Variants in RBFOX1 observed in about 807,000 individuals in gnomAD.
The protein encoded by RBFOX1 is RNA binding protein fox-1 homolog 1.
RBFOX1 carries 8 observed loss-of-function variants against 57.7 expected under a neutral mutation model. The ratio of observed to expected loss-of-function variants is 0.14; its 90% CI spans 0.08 to 0.25. RBFOX1 has a LOEUF of 0.25. RBFOX1 is among the 10% of genes least tolerant of loss of function. The probability of loss-of-function intolerance (pLI) is 1.00; values close to 1 mark genes in which losing one functional copy is unlikely to be tolerated. For missense variants in RBFOX1, 611 were observed against 548.5 expected, an observed-to-expected ratio of 1.11 and a Z score of -1.14; for synonymous variants, 326 against 222.4, an observed-to-expected ratio of 1.47 and a Z score of -4.15.
At chr16:6,820,328 A>G (rs12597890) in intron 3 of RBFOX1, among the ~76,000 whole-genome samples, 1 of 151,926 alleles carries the variant, frequency 6.6e-6, no homozygotes, top group African/African-American at 2.4e-5. Context: ...ATCATCAAAT[A>G]ATCTTTTGAT....
chr16:6,885,222 G>T (rs1340799371), intron 3 of RBFOX1, among the ~76,000 whole-genome samples: 1 of 152,138 alleles, frequency 6.6e-6, no homozygotes, highest in Non-Finnish European at 1.5e-5. Context: ...TAGAACTGTG[G>T]TTTTTCAGAT....
intron 14 of RBFOX1, among the ~76,000 whole-genome samples, chr16:7,697,239 C>T (rs992966753): frequency 2.0e-5 from 3 of 152,138 alleles, no homozygotes; most frequent in South Asian, 4.2e-4. Flanking sequence ...GAGAAGTGGT[C>T]ATCTTTAAGC....
chr16:6,197,456 G>A (rs1467354746), intron 1 of RBFOX1, among the ~76,000 whole-genome samples: 12 of 151,970 alleles, frequency 7.9e-5, no homozygotes, highest in Admixed American at 2.6e-4. Flanking sequence ...AGCCAACACT[G>A]GGTTGCTTGT....
At chr16:7,217,550 C>G (rs773764318) in intron 4 of RBFOX1, among the ~76,000 whole-genome samples, 2 of 151,990 alleles carry the variant, frequency 1.3e-5, no homozygotes, top group Non-Finnish European at 2.9e-5. Context: ...GTCCATCACT[C>G]TTTATCTTAT....
intron 2 of RBFOX1, among the ~76,000 whole-genome samples, chr16:5,482,016 A>G (rs2069560932): frequency 6.6e-6 from 1 of 152,170 alleles, no homozygotes; most frequent in Non-Finnish European, 1.5e-5. Context: ...TTTTGGAGGG[A>G]TACAGTTCAG....
intron 4 of RBFOX1, among the ~76,000 whole-genome samples, chr16:5,950,355 A>G (rs28622055): frequency 0.074 from 11,278 of 152,258 alleles, 1,409 homozygotes; most frequent in African/African-American, 0.25. Context: ...TTTCCTATCA[A>G]TCTTTCACCC....
chr16:6,733,687 G>A (rs1267949061), intron 3 of RBFOX1, among the ~76,000 whole-genome samples: 1 of 152,110 alleles, frequency 6.6e-6, no homozygotes. Flanking sequence ...GAGCCCAGAA[G>A]GTTGAGGCTG....
At chr16:5,592,299 G>C (rs1019624229) in intron 2 of RBFOX1, among the ~76,000 whole-genome samples, 2 of 151,596 alleles carry the variant, frequency 1.3e-5, no homozygotes, top group Admixed American at 6.6e-5. Context: ...TTTGTTTATG[G>C]TATTTTTTTC....
chr16:6,940,722 C>A (rs970575750), intron 3 of RBFOX1, among the ~76,000 whole-genome samples: 2 of 151,600 alleles, frequency 1.3e-5, no homozygotes, highest in African/African-American at 4.9e-5. Context: ...CTCAGCCTCC[C>A]GAGTAGCTGG....
intron 3 of RBFOX1, among the ~76,000 whole-genome samples, chr16:7,032,348 G>A (rs1313544441): frequency 6.6e-6 from 1 of 152,072 alleles, no homozygotes; most frequent in East Asian, 1.9e-4. Flanking sequence ...GGGAGGCTGA[G>A]GCACAAGAAT....
At chr16:6,010,341 G>GT (rs2094954138) in intron 4 of RBFOX1, among the ~76,000 whole-genome samples, 1 of 152,176 alleles carries the variant, frequency 6.6e-6, no homozygotes, top group South Asian at 2.1e-4. Flanking sequence ...CAGCTCCCTT[G>GT]CCCCGGGGTG....
intron 3 of RBFOX1, among the ~76,000 whole-genome samples, chr16:6,937,931 G>A (rs925215684): frequency 7.7e-6 from 1 of 129,664 alleles, no homozygotes; most frequent in Admixed American, 9.9e-5. Context: ...CAGTTTTTCA[G>A]CTCAACTTTG....
intron 4 of RBFOX1, among the ~76,000 whole-genome samples, chr16:5,936,863 C>G (rs1350019268): frequency 6.6e-6 from 1 of 152,158 alleles, no homozygotes; most frequent in Non-Finnish European, 1.5e-5. Flanking sequence ...ATCTGGGTAT[C>G]AAAGATCTCA....
At chr16:6,103,704 G>T (rs947332160) in intron 1 of RBFOX1, among the ~76,000 whole-genome samples, 1 of 152,062 alleles carries the variant, frequency 6.6e-6, no homozygotes, top group African/African-American at 2.4e-5. Flanking sequence ...AAATGTGGAG[G>T]TCAAGTCTGG....
intron 1 of RBFOX1, among the ~76,000 whole-genome samples, chr16:5,264,121 A>G (rs2062803209): frequency 6.6e-6 from 1 of 152,116 alleles, no homozygotes; most frequent in African/African-American, 2.4e-5. Flanking sequence ...AGGAAACATG[A>G]GGTTGTGAAG....
At chr16:7,262,492 G>A (rs1280259055) in intron 4 of RBFOX1, among the ~76,000 whole-genome samples, 1 of 152,236 alleles carries the variant, frequency 6.6e-6, no homozygotes, top group Non-Finnish European at 1.5e-5. Context: ...AAATTTAGGA[G>A]ATCAGAGTTA....
intron 4 of RBFOX1, among the ~76,000 whole-genome samples, chr16:7,241,143 A>G (rs946992151): frequency 6.6e-6 from 1 of 152,230 alleles, no homozygotes; most frequent in African/African-American, 2.4e-5. Flanking sequence ...TATCCCCTGC[A>G]TTTGGAAAAT....
intron 1 of RBFOX1, among the ~76,000 whole-genome samples, chr16:5,303,089 T>G (rs2151201941): frequency 6.6e-6 from 1 of 152,328 alleles, no homozygotes; most frequent in African/African-American, 2.4e-5. Flanking sequence ...GTTGCTTTGG[T>G]TGATAAAGAA....
intron 1 of RBFOX1, among the ~76,000 whole-genome samples, chr16:6,182,535 A>G (rs2097071954): frequency 6.6e-6 from 1 of 152,152 alleles, no homozygotes; most frequent in African/African-American, 2.4e-5. Flanking sequence ...TGTAATTACT[A>G]TTTTTATTGC....
Sources: gnomAD v4.1 joint callset for allele counts (sites outside exome capture counted in the v4.1 genomes callset) on GRCh38, gnomAD v4.1.1 for gene constraint, MANE v1.5 for transcripts, NCBI Gene and HGNC (gene_info 2026-07-23, HGNC 2026-07-21) for gene names.